Variants in ASTN2 observed in about 807,000 individuals in gnomAD.
ASTN2 encodes astrotactin-2.
In ASTN2, 54 loss-of-function variants were observed where a neutral mutation model predicts 139.8. That is an observed-to-expected ratio of 0.39 (90% confidence interval 0.31 to 0.48). The LOEUF (loss-of-function observed/expected upper bound fraction) is 0.48, where lower values mean the gene tolerates loss of function less well. ASTN2 is among the 20% of genes least tolerant of loss of function. The probability of loss-of-function intolerance (pLI) is 0.95; values close to 1 mark genes in which losing one functional copy is unlikely to be tolerated. For missense variants in ASTN2, 1,565 were observed against 1,725.1 expected, an observed-to-expected ratio of 0.91 and a Z score of 1.64; for synonymous variants, 756 against 719.5, an observed-to-expected ratio of 1.05 and a Z score of -0.81.
At chr9:116,772,984 A>G (rs1458347757) in intron 13 of ASTN2, among the ~76,000 whole-genome samples, 2 of 152,240 alleles carry the variant, frequency 1.3e-5, no homozygotes, top group South Asian at 2.1e-4. Context: ...TAAAAGATGG[A>G]AGAGAAAAAG....
At chr9:117,218,587 AG>A (rs983308954) in intron 2 of ASTN2, among the ~76,000 whole-genome samples, 28 of 152,216 alleles carry the variant, frequency 1.8e-4, no homozygotes, top group African/African-American at 6.8e-4. Context: ...CTCCCTCCCT[AG>A]ACCCTGAAAA....
At chr9:116,627,495 G>A (rs952529886) in intron 17 of ASTN2, among the ~76,000 whole-genome samples, 12 of 152,280 alleles carry the variant, frequency 7.9e-5, no homozygotes, top group Middle Eastern at 3.4e-3. Context: ...ACCAACTTCT[G>A]TCATTTTAGT....
intron 11 of ASTN2, among the ~76,000 whole-genome samples, chr9:116,855,455 T>C (rs1246444265): frequency 6.6e-6 from 1 of 152,196 alleles, no homozygotes; most frequent in Admixed American, 6.5e-5. Flanking sequence ...TCCAATACAG[T>C]TCCAATTTCC....
intron 2 of ASTN2, among the ~76,000 whole-genome samples, chr9:117,259,922 G>A (rs920288402): frequency 6.6e-6 from 1 of 152,180 alleles, no homozygotes; most frequent in African/African-American, 2.4e-5. Flanking sequence ...TGATGACTGT[G>A]AAAGTGACTT....
At chr9:116,547,525 C>T (rs913791156) in intron 19 of ASTN2, 1 of 152,220 alleles carries the variant, frequency 6.6e-6, no homozygotes, top group Non-Finnish European at 1.5e-5. Flanking sequence ...CTGATCTCCT[C>T]TGTGCCTTCA....
chr9:116,827,240 C>T (rs1382830654), intron 11 of ASTN2, among the ~76,000 whole-genome samples: 2 of 142,578 alleles, frequency 1.4e-5, no homozygotes, highest in African/African-American at 2.6e-5. Flanking sequence ...ACCCAGGAGG[C>T]GGAGGTTGCA....
chr9:117,167,326 T>C (rs1431940623), intron 3 of ASTN2, among the ~76,000 whole-genome samples: 2 of 152,114 alleles, frequency 1.3e-5, no homozygotes, highest in African/African-American at 4.8e-5. Context: ...CAAAGAAAAG[T>C]GAAATCCATA....
intron 5 of ASTN2, among the ~76,000 whole-genome samples, chr9:117,050,330 G>T (rs1838878615): frequency 6.6e-6 from 1 of 152,096 alleles, no homozygotes; most frequent in South Asian, 2.1e-4. Context: ...AGATGTCAGT[G>T]GACTTTGGCC....
chr9:116,532,047 T>A (rs1317746094), intron 19 of ASTN2, among the ~76,000 whole-genome samples: 1 of 152,248 alleles, frequency 6.6e-6, no homozygotes, highest in Non-Finnish European at 1.5e-5. Context: ...GACTTTTCAA[T>A]GATTGCCATT....
At chr9:116,558,865 G>A (rs773603741) in intron 19 of ASTN2, among the ~76,000 whole-genome samples, 46 of 152,260 alleles carry the variant, frequency 3.0e-4, no homozygotes, top group Non-Finnish European at 4.9e-4. Context: ...ATGTGATAAC[G>A]AAATAAATTA....
At chr9:116,600,513 TA>T (rs1854838160) in intron 19 of ASTN2, among the ~76,000 whole-genome samples, 1 of 152,160 alleles carries the variant, frequency 6.6e-6, no homozygotes, top group African/African-American at 2.4e-5. Flanking sequence ...TCCACACTTA[TA>T]AGAAGTTTGA....
At chr9:117,244,239 G>C (rs1434201700) in intron 2 of ASTN2, among the ~76,000 whole-genome samples, 2 of 152,050 alleles carry the variant, frequency 1.3e-5, no homozygotes, top group Non-Finnish European at 1.5e-5. Context: ...ACCCTGTTTT[G>C]GGTACTTTGT....
In ASTN2 at chr9:116,986,107, G is replaced by A. The variant is rs115063216; in HGVS notation, c.1592-9322C>T. 2.6e-3 allele frequency among the ~76,000 whole-genome samples: 397 copies of A among 152,128 alleles called. 2 individuals carry two copies. The highest frequency in any genetic ancestry group is 9.4e-3 in the African/African-American group (388 of 41,450). Reference sequence around the variant, plus strand: ...GCAGCACTTGGTATGTTGCAGTGTCGTTATCGTGATTGCTGCCAGCACTGC... The same window carrying A: ...GCAGCACTTGGTATGTTGCAGTGTCATTATCGTGATTGCTGCCAGCACTGC... On this transcript the variant is annotated intron_variant, in intron 7 of 22. Transcript: ENST00000313400.
intron 10 of ASTN2, among the ~76,000 whole-genome samples, chr9:116,897,714 A>G (rs1335317390): frequency 6.6e-6 from 1 of 152,002 alleles, no homozygotes; most frequent in Non-Finnish European, 1.5e-5. Context: ...TATTGCTGAG[A>G]GTAAAAAAAA....
chr9:116,635,402 C>A (rs1006491008), intron 17 of ASTN2, among the ~76,000 whole-genome samples: 14 of 152,182 alleles, frequency 9.2e-5, no homozygotes, highest in Admixed American at 4.6e-4. Context: ...TCTAAAATAT[C>A]AAAATCTCAC....
chr9:117,192,193 A>C (rs1831367093), intron 3 of ASTN2, among the ~76,000 whole-genome samples: 1 of 152,170 alleles, frequency 6.6e-6, no homozygotes, highest in Admixed American at 6.5e-5. Context: ...CCTGCTTTGC[A>C]GAGCCTAGGC....
At chr9:117,093,313 C>T (rs1440231438) in intron 5 of ASTN2, among the ~76,000 whole-genome samples, 1 of 152,172 alleles carries the variant, frequency 6.6e-6, no homozygotes, top group African/African-American at 2.4e-5. Flanking sequence ...CACCTAAATG[C>T]CTTGCAGGTT....
intron 16 of ASTN2, among the ~76,000 whole-genome samples, chr9:116,691,652 T>G (rs1860572990): frequency 6.6e-6 from 1 of 152,188 alleles, no homozygotes; most frequent in Non-Finnish European, 1.5e-5. Context: ...CTTGTTGAGT[T>G]TATCTTAGTT....
chr9:117,119,734 C>A (rs893441746), intron 4 of ASTN2, among the ~76,000 whole-genome samples: 2 of 151,860 alleles, frequency 1.3e-5, no homozygotes, highest in African/African-American at 4.8e-5. Flanking sequence ...ACCAGCCTTC[C>A]TCTGATAGAT....
Sources: gnomAD v4.1 joint callset for allele counts (sites outside exome capture counted in the v4.1 genomes callset) on GRCh38, gnomAD v4.1.1 for gene constraint, MANE v1.5 for transcripts, NCBI Gene and HGNC (gene_info 2026-07-23, HGNC 2026-07-21) for gene names.